Variants in ZNF740 observed in about 807,000 individuals in gnomAD.
ZNF740 encodes the protein oriLyt TD-element-binding protein 7.
Under a neutral mutation model 24.8 loss-of-function variants are expected in ZNF740, and 14 were observed. The ratio of observed to expected loss-of-function variants is 0.56; its 90% CI spans 0.37 to 0.88. The LOEUF is 0.88. ZNF740 is among the 40% of genes least tolerant of loss of function. ZNF740 has a pLI of 0.00. For missense variants in ZNF740, 201 were observed against 247.9 expected (o/e 0.81, Z 1.27); for synonymous variants, 69 against 84.0 (o/e 0.82, Z 0.98).
At chr12:53,182,114 CA>C in intron 2 of ZNF740, 122 bp downstream of exon 2, 1 of 1,376,306 alleles carries the variant, frequency 7.3e-7, no homozygotes, top group South Asian at 1.3e-5. Context: ...TATTAAGCAC[CA>C]GGGGGAGATC....
chr12:53,186,488 C>T lies in ZNF740; in HGVS notation c.471C>T (p.Tyr157=), dbSNP rs1005915080. ...HKRVHSGEKP[Y]QCERCHQCFS... ...GTGTGCACAGTGGTGAAAAGCCTTA[C>T]CAGTGTGAACGGTGTCATCAGGTAA... Residue 157 remains tyrosine, a synonymous_variant, in exon 6 of 7, where the codon TAC becomes TAT. Coordinates refer to ENST00000416904, the MANE Select transcript of ZNF740 (RefSeq NM_001004304.4). The T allele has an allele frequency of 6.7e-5, 105 of 1,577,716 alleles. No homozygotes were observed. The highest frequency in any genetic ancestry group is 8.2e-5 in the Non-Finnish European group (95 of 1,160,994).
At chr12:53,187,000 A>G (rs1203215611) in intron 6 of ZNF740, among the ~76,000 whole-genome samples, 8 of 152,172 alleles carry the variant, frequency 5.3e-5, no homozygotes, top group Non-Finnish European at 8.8e-5. Context: ...GGGCCAAAAC[A>G]AGACAAGAAC....
intron 2 of ZNF740, among the ~76,000 whole-genome samples, chr12:53,184,030 C>G (rs1293305235): frequency 6.6e-6 from 1 of 151,216 alleles, no homozygotes; most frequent in Non-Finnish European, 1.5e-5. Context: ...TCTCAACCAA[C>G]AAGCAAAAAA....
At position 53,185,947 on chromosome 12, in the gene ZNF740, C is replaced by T. The variant is rs374451596; in HGVS notation, c.250-7C>T. 5.6e-6 allele frequency: 9 copies of T among 1,612,880 alleles called. No homozygotes were observed. Among genetic ancestry groups the T allele is most frequent in the African/African-American group, 1.3e-5 (1 of 74,886 alleles). ...GGCCTCATGACATGCCTGATTATTG[C>T]CCCCAGGTGGTGGTAGTGGAACAAA... On this transcript the variant is annotated splice_polypyrimidine_tract_variant and splice_region_variant and intron_variant, in intron 4 of 6. Transcript: ENST00000416904.
In ZNF740 at chr12:53,192,697, C is replaced by G. The variant is rs373179479; in HGVS notation, c.*5107C>G. The G allele has an allele frequency of 2.5e-6, 4 of 1,613,528 alleles. No homozygotes were observed. The highest frequency in any genetic ancestry group is 2.2e-5 in the East Asian group (1 of 44,872). ...GCAAGACCTGAGGCCTCACCGGTGT[C>G]TCTCGCATGGTGTCTTGCAGCCTGG... On this transcript the variant is annotated 3_prime_UTR_variant, in exon 7 of 7. Transcript: ENST00000416904.
At position 53,192,995 on chromosome 12, in the gene ZNF740, A is replaced by G. The variant is rs1042972732; in HGVS notation, c.*5405A>G. 53 of 1,437,634 alleles carry G rather than the reference A, an allele frequency of 3.7e-5. No homozygotes were observed. The highest frequency in any genetic ancestry group is 3.6e-4 in the African/African-American group (26 of 71,238). The allele number at this position is 1,437,634 out of a possible 1,614,324, so 89.1% of individuals were successfully genotyped here. On this transcript the variant is annotated 3_prime_UTR_variant, in exon 7 of 7. Transcript: ENST00000416904. Reference sequence around the variant, plus strand: ...GTGGCACGACAAGCCCACGCATCCAATCTTTTTGAAGTATGCCAACCACAC... The same window carrying G: ...GTGGCACGACAAGCCCACGCATCCAGTCTTTTTGAAGTATGCCAACCACAC...
chr12:53,191,286 T>C lies in ZNF740; in HGVS notation c.*3696T>C, dbSNP rs918826160. 4.3e-6 allele frequency: 2 copies of C among 466,738 alleles called. No homozygotes were observed. Among genetic ancestry groups the C allele is most frequent in the East Asian group, 8.2e-5 (2 of 24,290 alleles). 28.9% of individuals were successfully genotyped at this position (466,738 alleles called of 1,614,324 possible). A position where few individuals can be genotyped will look rare whatever the true frequency, so the allele number is the denominator to read the frequency against. On this transcript the variant is annotated 3_prime_UTR_variant, in exon 7 of 7. Transcript: ENST00000416904. ...AGGCCCAGGCTATAAACAGTCTGCTTTGGCCTTGATGAGGTAAAGCAAAGT... is the reference window on the plus strand; with the variant it reads ...AGGCCCAGGCTATAAACAGTCTGCTCTGGCCTTGATGAGGTAAAGCAAAGT...
chr12:53,191,809 T>G lies in ZNF740; in HGVS notation c.*4219T>G. 1 of 1,609,864 alleles carries G rather than the reference T, an allele frequency of 6.2e-7. No individual in the cohort carries two copies. On this transcript the variant is annotated 3_prime_UTR_variant, in exon 7 of 7. Transcript: ENST00000416904. ...CCAGTGGGAGGAATCAGGGCTGGTC[T>G]TGTGGTGGGGGAACAGCTAAAAAGG...
At position 53,193,923 on chromosome 12, in the gene ZNF740, G is replaced by C. The variant is rs770201442; in HGVS notation, c.*6333G>C. 2 of 1,601,176 alleles carry C rather than the reference G, an allele frequency of 1.2e-6. No individual in the cohort carries two copies. The highest frequency in any genetic ancestry group is 1.7e-6 in the Non-Finnish European group (2 of 1,172,668). On this transcript the variant is annotated 3_prime_UTR_variant, in exon 7 of 7. Coordinates refer to ENST00000416904, the MANE Select transcript of ZNF740 (RefSeq NM_001004304.4). ...TCACCTGAGAAGAGGCAGGAATCAG[G>C]CCATGGTTATACACATGCACACACA... is the stretch of plus-strand genomic sequence containing the variant.
Position 53,191,199 on chromosome 12 carries a change from C to G in ZNF740, c.*3609C>G, listed in dbSNP as rs1044852410. 6.7e-6 allele frequency: 2 copies of G among 299,144 alleles called. No individual in the cohort carries two copies. The highest frequency in any genetic ancestry group is 1.3e-5 in the Non-Finnish European group (2 of 152,574). 18.5% of individuals were successfully genotyped at this position (299,144 alleles called of 1,614,324 possible). On this transcript the variant is annotated 3_prime_UTR_variant, in exon 7 of 7. Transcript: ENST00000416904. Reference sequence around the variant, plus strand: ...GCACCCCGGGAGTTTCCTGCACATTCGCGCTTGGGCACCTCTCCCTGCCCT... The same window carrying G: ...GCACCCCGGGAGTTTCCTGCACATTGGCGCTTGGGCACCTCTCCCTGCCCT...
In ZNF740 at chr12:53,192,501, G is replaced by A; in HGVS notation, c.*4911G>A. On this transcript the variant is annotated 3_prime_UTR_variant, in exon 7 of 7. Transcript: ENST00000416904. ...CAAGCTGTACTGCAGTTGGTGGCCA[G>A]TGGGCCAGTCCTGAAGGCCCCACAC... 1.2e-6 allele frequency: 2 copies of A among 1,614,196 alleles called. No individual in the cohort carries two copies. The highest frequency in any genetic ancestry group is 1.7e-6 in the Non-Finnish European group (2 of 1,180,048).
In ZNF740 at chr12:53,192,322, C is replaced by T. The variant is rs765790908; in HGVS notation, c.*4732C>T. On this transcript the variant is annotated 3_prime_UTR_variant, in exon 7 of 7. Coordinates refer to ENST00000416904, the MANE Select transcript of ZNF740 (RefSeq NM_001004304.4). ...CTTCCAGGGTTTGTGGCATCCCTGC[C>T]CACTTACTTTCTTGGGGTCTCACTC... 4 of 1,613,808 alleles carry T rather than the reference C, an allele frequency of 2.5e-6. No homozygotes were observed. The South Asian group carries it at 3.3e-5, about 13-fold the overall frequency.
rs936851632 is a variant in ZNF740 at position 53,186,574 on chromosome 12, C to T, written c.492+65C>T. On this transcript the variant is annotated intron_variant, in intron 6 of 6. Transcript: ENST00000416904. ...TCCTTCCCCAAGAATCAGGGCCACC[C>T]TCCACTCCTGCCTGACAAAAGAGCC... The T allele has an allele frequency of 5.3e-6, 7 of 1,322,778 alleles. 1 individual carries two copies. In the African/African-American group the frequency reaches 8.7e-5, roughly 17 times the overall value. The allele number at this position is 1,322,778 out of a possible 1,614,324, so 81.9% of individuals were successfully genotyped here. A position where few individuals can be genotyped will look rare whatever the true frequency, so the allele number is the denominator to read the frequency against.
chr12:53,181,397 T>C (rs950078240), intron 1 of ZNF740: 2 of 985,302 alleles, frequency 2.0e-6, no homozygotes, highest in Non-Finnish European at 2.4e-6. Flanking sequence ...CCAAAGGGTC[T>C]CCGCCCCCTT....
rs372664775 is a variant in ZNF740 at position 53,193,858 on chromosome 12, T to A, written c.*6268T>A. ...GGCCCGGAGCCTCAGGAGATGGGGC[T>A]CTGGGAGGCAGTGGGTGGCTTGGAG... On this transcript the variant is annotated 3_prime_UTR_variant, in exon 7 of 7. Coordinates refer to ENST00000416904, the MANE Select transcript of ZNF740 (RefSeq NM_001004304.4). 4.3e-6 allele frequency: 7 copies of A among 1,613,704 alleles called. No homozygotes were observed. The African/African-American group carries it at 9.4e-5, about 22-fold the overall frequency.
chr12:53,180,844 G>C lies in ZNF740; in HGVS notation c.-308+7G>C, dbSNP rs1941555324. 1 of 1,269,694 alleles carries C rather than the reference G, an allele frequency of 7.9e-7. No individual in the cohort carries two copies. Among genetic ancestry groups the C allele is most frequent in the African/African-American group, 1.6e-5 (1 of 63,130 alleles). The allele number at this position is 1,269,694 out of a possible 1,614,324, so 78.7% of individuals were successfully genotyped here. ...GGGAGGCCGCGCCTGGCAGGTAGGA[G>C]CAAGCCCCAAAGACCGCAGCGTCGT... On this transcript the variant is annotated splice_region_variant and intron_variant, in intron 1 of 6. Coordinates refer to ENST00000416904, the MANE Select transcript of ZNF740 (RefSeq NM_001004304.4).
At chr12:53,185,698 C>T (rs1941809393) in intron 4 of ZNF740, among the ~76,000 whole-genome samples, 1 of 152,180 alleles carries the variant, frequency 6.6e-6, no homozygotes, top group Admixed American at 6.5e-5. Context: ...GATCCCAGAT[C>T]CCGAGGCATG....
In ZNF740 at chr12:53,185,999, A is replaced by C; in HGVS notation, c.295A>C (p.Lys99Gln). The change falls in exon 5 of 7, where the codon AAA becomes CAA. Residue 99 changes from lysine to glutamine, a missense_variant. Transcript: ENST00000416904. ...QNGSFQVKIP[K>Q]NFVCEHCFGA... Reference sequence around the variant, plus strand: ...TGGTTCTTTTCAAGTAAAGATTCCCAAAAATTTTGTTTGTGAACACTGCTT... The same window carrying C: ...TGGTTCTTTTCAAGTAAAGATTCCCCAAAATTTTGTTTGTGAACACTGCTT... 3 of 1,613,826 alleles carry C rather than the reference A, an allele frequency of 1.9e-6. No homozygotes were observed. The highest frequency in any genetic ancestry group is 2.5e-6 in the Non-Finnish European group (3 of 1,179,788).
chr12:53,181,101 C>T (rs1048945597), intron 1 of ZNF740: 6 of 936,782 alleles, frequency 6.4e-6, no homozygotes, highest in Non-Finnish European at 7.6e-6. Flanking sequence ...CGCTTCTCGG[C>T]ACTCTCCGGC....
Sources: gnomAD v4.1 joint callset for allele counts (sites outside exome capture counted in the v4.1 genomes callset) on GRCh38, gnomAD v4.1.1 for gene constraint, MANE v1.5 for transcripts, NCBI Gene and HGNC (gene_info 2026-07-23, HGNC 2026-07-21) for gene names.